The following SMAD3 variants were observed in gnomAD, a reference collection of about 807,000 sequenced individuals.
SMAD3 encodes the protein SMAD family member 3, also known as MAD homolog 3.
Under a neutral mutation model 51.8 loss-of-function variants are expected in SMAD3, and 12 were observed. The observed-to-expected ratio is 0.23, with a 90% CI of 0.15 to 0.38. The LOEUF is 0.38. SMAD3 is among the 10% of genes least tolerant of loss of function. The pLI is 1.00. For missense variants in SMAD3, 294 were observed against 565.6 expected, an observed-to-expected ratio of 0.52 and a Z score of 4.87; for synonymous variants, 238 against 227.7, an observed-to-expected ratio of 1.05 and a Z score of -0.41.
rs1316008268 is a variant in SMAD3, at chr15:67,193,492, G to A, written c.*2956G>A. The A allele has an allele frequency of 1.7e-5, 4 of 233,728 alleles. No homozygotes were observed. Among genetic ancestry groups the A allele is most frequent in the Non-Finnish European group, 3.4e-5 (4 of 118,062 alleles). The allele number at this position is 233,728 out of a possible 1,614,324, so 14.5% of individuals were successfully genotyped here. On this transcript the variant is annotated 3_prime_UTR_variant, in exon 9 of 9. Coordinates refer to ENST00000327367, the MANE Select transcript of SMAD3 (RefSeq NM_005902.4). ...CTTAGATGCTTCCAGCACATACGTA[G>A]GTAGCTACCCCAGCCGGTTTGGATT...
At chr15:67,163,612 T>C (rs1240027959) in intron 1 of SMAD3, among the ~76,000 whole-genome samples, 1 of 152,062 alleles carries the variant, frequency 6.6e-6, no homozygotes, top group East Asian at 1.9e-4. Flanking sequence ...AGATTCTGAT[T>C]TAGTAGGTTG....
At chr15:67,136,552 A>G (rs1478956278) in intron 1 of SMAD3, among the ~76,000 whole-genome samples, 2 of 152,148 alleles carry the variant, frequency 1.3e-5, no homozygotes, top group East Asian at 3.9e-4. Context: ...GCTGGTCTCG[A>G]ACTCCTGACC....
intron 4 of SMAD3, 92 bp from the exon 5 acceptor site, chr15:67,170,462 G>T: frequency 9.6e-7 from 1 of 1,045,416 alleles, no homozygotes; most frequent in Non-Finnish European, 1.5e-6. Flanking sequence ...TGCTGTGTTG[G>T]GCTACCCCTC....
chr15:67,113,985 G>C (rs551006740), intron 1 of SMAD3, among the ~76,000 whole-genome samples: 2 of 152,222 alleles, frequency 1.3e-5, no homozygotes, highest in Non-Finnish European at 2.9e-5. Flanking sequence ...GTTGAGGTTA[G>C]TTGGGACCAA....
chr15:67,066,213 A>G lies in SMAD3; in HGVS notation c.59A>G (p.Lys20Arg), dbSNP rs1375050629. The change falls in exon 1 of 9, where the codon AAG becomes AGG. Residue 20 changes from lysine to arginine, a missense_variant. Coordinates refer to ENST00000327367, the MANE Select transcript of SMAD3 (RefSeq NM_005902.4). Reference protein sequence around the residue: ...PIVKRLLGWKKGEQNGQEEKW... With the variant: ...PIVKRLLGWKRGEQNGQEEKW... ...GTGAAGCGCCTGCTGGGCTGGAAGA[A>G]GGGCGAGCAGAACGGGCAGGAGGAG... 1 of 1,613,032 alleles carries G rather than the reference A, an allele frequency of 6.2e-7. No individual in the cohort carries two copies. The highest frequency in any genetic ancestry group is 8.5e-7 in the Non-Finnish European group (1 of 1,179,684).
chr15:67,175,819 C>T lies in SMAD3; in HGVS notation c.658+5215C>T, dbSNP rs1962876437. Among the ~76,000 whole-genome samples the T allele has an allele frequency of 4.6e-5, 7 of 152,220 alleles. No individual in the cohort carries two copies. In the South Asian group the frequency reaches 1.4e-3, roughly 31 times the overall value. Reference sequence around the variant, plus strand: ...GTGGACGGCGGCCCAGGGCAGAGGCCCAACCCAGTTCCAGGCATCTTCATG... The same window carrying T: ...GTGGACGGCGGCCCAGGGCAGAGGCTCAACCCAGTTCCAGGCATCTTCATG... On this transcript the variant is annotated intron_variant, in intron 5 of 8. Coordinates refer to ENST00000327367, the MANE Select transcript of SMAD3 (RefSeq NM_005902.4).
At chr15:67,125,585 T>A in intron 1 of SMAD3, 1 of 426,752 alleles carries the variant, frequency 2.3e-6, no homozygotes, top group Non-Finnish European at 3.1e-6. Flanking sequence ...TTCACTTTAA[T>A]AGCTTAACAG....
Position 67,182,998 on chromosome 15 carries a change from A to AT in SMAD3, c.871+1545_871+1546insT, listed in dbSNP as rs1444218521. Among the ~76,000 whole-genome samples the AT allele has an allele frequency of 7.9e-3, 385 of 48,850 alleles. 3 individuals are homozygous for AT. Among genetic ancestry groups the AT allele is most frequent in the East Asian group, 0.018 (23 of 1,290 alleles). 32.0% of individuals were successfully genotyped at this position (48,850 alleles called of 152,430 possible). ...TTCTATATTTTATTAAAAAAAAAAA[A>AT]AAATATATATATATATATATATATA... On this transcript the variant is annotated intron_variant, in intron 6 of 8. Coordinates refer to ENST00000327367, the MANE Select transcript of SMAD3 (RefSeq NM_005902.4).
At chr15:67,169,112 G>A (rs1962673370) in intron 4 of SMAD3, among the ~76,000 whole-genome samples, 1 of 152,176 alleles carries the variant, frequency 6.6e-6, no homozygotes. Context: ...ATTTTTACAT[G>A]TCACACAGTA....
chr15:67,163,552 G>A (rs575288030), intron 1 of SMAD3, among the ~76,000 whole-genome samples: 5 of 152,134 alleles, frequency 3.3e-5, no homozygotes, highest in Non-Finnish European at 7.3e-5. Context: ...TTTCCTGTAA[G>A]CCACCCAGAC....
chr15:67,073,173 ATC>A (rs1013290794), intron 1 of SMAD3, among the ~76,000 whole-genome samples: 1 of 152,092 alleles, frequency 6.6e-6, no homozygotes, highest in African/African-American at 2.4e-5. Context: ...CTTGACAAGG[ATC>A]TCTCTCTCTC....
chr15:67,088,917 A>G (rs1960452539), intron 1 of SMAD3, among the ~76,000 whole-genome samples: 1 of 151,770 alleles, frequency 6.6e-6, no homozygotes. Context: ...ACAGAGCCAG[A>G]CTCTGTCTTA....
chr15:67,066,789 G>T (rs1959932048), intron 1 of SMAD3, among the ~76,000 whole-genome samples: 1 of 152,164 alleles, frequency 6.6e-6, no homozygotes, highest in Non-Finnish European at 1.5e-5. Flanking sequence ...TGGTGTCTTT[G>T]CGTTTCTTTT....
chr15:67,101,086 C>A (rs1047921081), intron 1 of SMAD3, among the ~76,000 whole-genome samples: 1 of 152,126 alleles, frequency 6.6e-6, no homozygotes, highest in Non-Finnish European at 1.5e-5. Flanking sequence ...ATAGAAATAT[C>A]CCAAGTCCTG....
chr15:67,142,519 A>T (rs1205865159), intron 1 of SMAD3, among the ~76,000 whole-genome samples: 1 of 152,114 alleles, frequency 6.6e-6, no homozygotes, highest in Non-Finnish European at 1.5e-5. Context: ...GTCAGTCTTA[A>T]GTGTGTTAAG....
chr15:67,094,447 A>T (rs1209648972), intron 1 of SMAD3, among the ~76,000 whole-genome samples: 2 of 152,134 alleles, frequency 1.3e-5, no homozygotes, highest in Non-Finnish European at 2.9e-5. Context: ...AGACAATCTT[A>T]TTCAAACTCT....
At chr15:67,172,357 C>T (rs373725980) in intron 5 of SMAD3, among the ~76,000 whole-genome samples, 3 of 152,210 alleles carry the variant, frequency 2.0e-5, no homozygotes, top group Non-Finnish European at 4.4e-5. Flanking sequence ...AGATGTGAAT[C>T]GGGGGCGAGT....
intron 2 of SMAD3, 74 bp downstream of exon 2, chr15:67,165,162 C>A (rs574374363): frequency 6.2e-7 from 1 of 1,611,692 alleles, no homozygotes; most frequent in African/African-American, 1.3e-5. Context: ...CCCATCCCCC[C>A]GAGGGTCTGC....
chr15:67,152,007 G>A (rs1164190397), intron 1 of SMAD3, among the ~76,000 whole-genome samples: 1 of 151,956 alleles, frequency 6.6e-6, no homozygotes, highest in African/African-American at 2.4e-5. Flanking sequence ...ATATATGATT[G>A]CTAGATATTT....
Sources: gnomAD v4.1 joint callset for allele counts (sites outside exome capture counted in the v4.1 genomes callset) on GRCh38, gnomAD v4.1.1 for gene constraint, MANE v1.5 for transcripts, NCBI Gene and HGNC (gene_info 2026-07-23, HGNC 2026-07-21) for gene names.